LCLAT1: variants seen among roughly 807,000 people sequenced by gnomAD.
LCLAT1 encodes the protein lysocardiolipin acyltransferase 1.
In LCLAT1, 11 loss-of-function variants were observed where a neutral mutation model predicts 30.7. That is an observed-to-expected ratio of 0.36 (90% confidence interval 0.23 to 0.59). The LOEUF (loss-of-function observed/expected upper bound fraction) is 0.59. Among genes scored for constraint, LCLAT1 ranks in the 20% least tolerant of loss-of-function variants. The pLI, the probability that LCLAT1 is intolerant of heterozygous loss-of-function variation, is 0.77. For missense variants in LCLAT1, 402 were observed against 458.6 expected (o/e 0.88, Z 1.13); for synonymous variants, 155 against 151.3 (o/e 1.02, Z -0.18).
chr2:30,449,731 C>T (rs1681455420), intron 1 of LCLAT1, among the ~76,000 whole-genome samples: 1 of 152,074 alleles, frequency 6.6e-6, no homozygotes, highest in African/African-American at 2.4e-5. Flanking sequence ...AGCTCCCGAC[C>T]TCAGGTGATC....
intron 3 of LCLAT1, among the ~76,000 whole-genome samples, chr2:30,539,330 G>A (rs1396092237): frequency 7.3e-6 from 1 of 136,708 alleles, no homozygotes; most frequent in Non-Finnish European, 1.5e-5. Context: ...ATAGCTCACT[G>A]CAATCTTGAA....
intron 1 of LCLAT1, among the ~76,000 whole-genome samples, chr2:30,454,680 CT>C (rs1681734474): frequency 1.3e-5 from 2 of 151,396 alleles, no homozygotes; most frequent in Admixed American, 1.3e-4. Flanking sequence ...AACTCCTGAG[CT>C]CAAGTGATTC....
At chr2:30,476,677 G>A in intron 1 of LCLAT1, 1 of 329,912 alleles carries the variant, frequency 3.0e-6, no homozygotes, top group South Asian at 2.5e-5. Flanking sequence ...CAGTGTAGTA[G>A]TAATAGTGGA....
intron 1 of LCLAT1, among the ~76,000 whole-genome samples, chr2:30,471,408 C>A (rs987166023): frequency 6.6e-6 from 1 of 152,204 alleles, no homozygotes; most frequent in East Asian, 1.9e-4. Flanking sequence ...CAGGGTTTCG[C>A]CATGTTGCCC....
chr2:30,453,534 T>G, intron 1 of LCLAT1, among the ~76,000 whole-genome samples: 1 of 152,098 alleles, frequency 6.6e-6, no homozygotes. Context: ...GATTGAAAGT[T>G]GGGGTGGCTT....
chr2:30,547,766 C>T (rs913302887), intron 3 of LCLAT1, among the ~76,000 whole-genome samples: 1 of 151,996 alleles, frequency 6.6e-6, no homozygotes, highest in African/African-American at 2.4e-5. Flanking sequence ...TGGGGCCAGA[C>T]TTTATTTTAC....
At position 30,458,451 on chromosome 2, in the gene LCLAT1, G is replaced by A. The variant is rs183907131; in HGVS notation, c.-5+11068G>A. On this transcript the variant is annotated intron_variant, in intron 1 of 5. Coordinates refer to ENST00000379509, the MANE Select transcript of LCLAT1 (RefSeq NM_001002257.3). The stretch of plus-strand genomic sequence containing the variant: ...CCTCAGGGAGTAGGAACTGGGAAGG[G>A]TTGGATTTTGCCTAATCTAGGAATA... 2.0e-4 allele frequency among the ~76,000 whole-genome samples: 30 copies of A among 152,292 alleles called. No individual in the cohort carries two copies. In the East Asian group the frequency reaches 5.6e-3, roughly 28 times the overall value.
chr2:30,447,529 G>C, intron 1 of LCLAT1, 146 bp downstream of exon 1: 1 of 152,256 alleles, frequency 6.6e-6, no homozygotes, highest in East Asian at 1.9e-4. Flanking sequence ...CTCGGGTAAC[G>C]GCCACTGGCC....
intron 1 of LCLAT1, among the ~76,000 whole-genome samples, chr2:30,525,256 T>C (rs543425260): frequency 6.6e-6 from 1 of 152,286 alleles, no homozygotes; most frequent in Non-Finnish European, 1.5e-5. Flanking sequence ...TTTGTATTTT[T>C]AGTAGAGATG....
chr2:30,515,346 AG>A (rs1685129630), intron 1 of LCLAT1, among the ~76,000 whole-genome samples: 1 of 152,244 alleles, frequency 6.6e-6, no homozygotes, highest in Non-Finnish European at 1.5e-5. Context: ...AGACTCTGAG[AG>A]TAACGCTAGT....
chr2:30,615,381 A>T (rs1667948159), intron 5 of LCLAT1, among the ~76,000 whole-genome samples: 1 of 152,108 alleles, frequency 6.6e-6, no homozygotes, highest in African/African-American at 2.4e-5. Flanking sequence ...CTTTTGATTG[A>T]TTTTCTCAGT....
intron 1 of LCLAT1, among the ~76,000 whole-genome samples, chr2:30,472,302 A>G (rs1682839062): frequency 6.6e-6 from 1 of 152,118 alleles, no homozygotes. Flanking sequence ...TACTCTCTAA[A>G]CTGTTGGAGT....
chr2:30,569,581 T>C (rs1665679441), intron 5 of LCLAT1, among the ~76,000 whole-genome samples: 1 of 143,550 alleles, frequency 7.0e-6, no homozygotes, highest in African/African-American at 2.6e-5. Flanking sequence ...ACATGAAAAG[T>C]CTTGAACCAT....
chr2:30,621,388 G>A (rs1668241204), intron 5 of LCLAT1, among the ~76,000 whole-genome samples: 1 of 152,132 alleles, frequency 6.6e-6, no homozygotes, highest in African/African-American at 2.4e-5. Context: ...AGCCCCTCAT[G>A]AAAGAGATTA....
At chr2:30,628,036 T>C (rs1460610090) in intron 5 of LCLAT1, among the ~76,000 whole-genome samples, 1 of 152,132 alleles carries the variant, frequency 6.6e-6, no homozygotes, top group Non-Finnish European at 1.5e-5. Context: ...CTAGTAAAAT[T>C]TCAATTACAA....
intron 5 of LCLAT1, among the ~76,000 whole-genome samples, chr2:30,588,649 C>T (rs1377561917): frequency 6.6e-6 from 1 of 152,120 alleles, no homozygotes; most frequent in Non-Finnish European, 1.5e-5. Context: ...TACAGCCAGC[C>T]TGTACTGATG....
chr2:30,512,679 G>A (rs528754300), intron 1 of LCLAT1, among the ~76,000 whole-genome samples: 5 of 152,156 alleles, frequency 3.3e-5, no homozygotes, highest in Non-Finnish European at 7.4e-5. Flanking sequence ...GGCAAAAATG[G>A]GATCATGCCA....
At chr2:30,457,349 A>T (rs1013711413) in intron 1 of LCLAT1, among the ~76,000 whole-genome samples, 4 of 152,232 alleles carry the variant, frequency 2.6e-5, no homozygotes, top group Admixed American at 6.5e-5. Flanking sequence ...GAAACCTAAC[A>T]AAAGGATTAC....
chr2:30,555,430 A>G (rs894087210), intron 3 of LCLAT1, among the ~76,000 whole-genome samples: 5 of 152,332 alleles, frequency 3.3e-5, no homozygotes, highest in African/African-American at 1.2e-4. Context: ...AATCTAAATA[A>G]TAATAAATGT....
Sources: allele counts gnomAD v4.1 joint callset (sites outside exome capture counted in the v4.1 genomes callset), GRCh38; gene constraint gnomAD v4.1.1; transcripts MANE v1.5; gene names NCBI Gene and HGNC (gene_info 2026-07-23, HGNC 2026-07-21).